Variants in NACC2 observed in about 807,000 individuals in gnomAD.
The protein encoded by NACC2 is nucleus accumbens-associated protein 2.
A neutral mutation model predicts 25.1 loss-of-function variants in NACC2; 8 were observed. The ratio of observed to expected loss-of-function variants is 0.32; its 90% confidence interval spans 0.19 to 0.57. The LOEUF (loss-of-function observed/expected upper bound fraction) is 0.57. Among genes scored for constraint, NACC2 ranks in the 20% least tolerant of loss-of-function variants. The pLI is 0.89. For synonymous variants in NACC2, 435 were observed against 294.7 expected, an observed-to-expected ratio of 1.48 and a Z score of -4.88; for missense variants, 644 against 650.2, an observed-to-expected ratio of 0.99 and a Z score of 0.10.
intron 1 of NACC2, among the ~76,000 whole-genome samples, chr9:136,060,943 T>G (rs1377153903): frequency 6.6e-6 from 1 of 151,292 alleles, no homozygotes; most frequent in Non-Finnish European, 1.5e-5. Flanking sequence ...CGGGGGAAGG[T>G]GAAAGGGGGA....
At position 136,036,746 on chromosome 9, in the gene NACC2, T is replaced by C. The variant is rs958505257; in HGVS notation, c.886+12890A>G. Among the ~76,000 whole-genome samples, 502 of 152,274 alleles carry C rather than the reference T, an allele frequency of 3.3e-3. 8 individuals are homozygous for C. The East Asian group carries it at 0.038, about 11-fold the overall frequency. ...GGCTGAAAGCCTATAGAAGAAAAAG[T>C]CTAAATAATAATCAGAACCTCAGTG... On this transcript the variant is annotated intron_variant, in intron 2 of 5. Coordinates refer to ENST00000277554, the MANE Select transcript of NACC2 (RefSeq NM_144653.5).
intron 5 of NACC2, among the ~76,000 whole-genome samples, chr9:136,012,652 GTT>G (rs540279008): frequency 0.32 from 42,359 of 133,108 alleles, 3,896 homozygotes; most frequent in East Asian, 0.37. Context: ...GCCTCACAAG[GTT>G]TTTTTTTTTT....
intron 2 of NACC2, among the ~76,000 whole-genome samples, chr9:136,023,308 G>A (rs1008009552): frequency 1.3e-5 from 2 of 151,830 alleles, no homozygotes; most frequent in Non-Finnish European, 2.9e-5. Context: ...CTCCCGACGC[G>A]AGGGGCCGGC....
chr9:136,054,964 G>A (rs919948676), intron 1 of NACC2, among the ~76,000 whole-genome samples: 1 of 152,026 alleles, frequency 6.6e-6, no homozygotes, highest in Non-Finnish European at 1.5e-5. Context: ...GCCAGCCTTC[G>A]GTGCCCCACC....
At chr9:136,029,476 C>A (rs1840442433) in intron 2 of NACC2, among the ~76,000 whole-genome samples, 1 of 152,228 alleles carries the variant, frequency 6.6e-6, no homozygotes. Flanking sequence ...TGCCAAATGG[C>A]AGGATTAAAA....
Position 136,013,159 on chromosome 9 carries a change from G to GCCCCCGGCCCCCCC in NACC2, c.1255+39_1255+40insGGGGGGGCCGGGGG. The GCCCCCGGCCCCCCC allele has an allele frequency of 1.3e-6, 1 of 754,884 alleles. No individual in the cohort carries two copies. Among genetic ancestry groups the GCCCCCGGCCCCCCC allele is most frequent in the East Asian group, 2.8e-5 (1 of 35,684 alleles). 46.8% of individuals were successfully genotyped at this position (754,884 alleles called of 1,614,324 possible). On this transcript the variant is annotated intron_variant, in intron 5 of 5. Transcript: ENST00000277554. The surrounding 1 kb of genome is among the most constrained non-coding windows in gnomAD (Gnocchi z 6.6). ...CTCCTCAGGCTGGGATCTGAACCCA[G>GCCCCCGGCCCCCCC]CCCCGGCCCCACCCACCCGAGAGAC...
chr9:136,072,626 C>T (rs1468579164), intron 1 of NACC2, among the ~76,000 whole-genome samples: 23 of 151,972 alleles, frequency 1.5e-4, no homozygotes, highest in Admixed American at 1.3e-3. Context: ...CCGAGGCGGG[C>T]GGATCACCTG....
Position 136,011,587 on chromosome 9 carries a change from CG to C in NACC2, c.1692del (p.Gly565AlafsTer36). On this transcript the variant is annotated frameshift_variant, in exon 6 of 6. Transcript: ENST00000277554. LOFTEE classifies it high-confidence loss of function. ...GCCGGCGTCTGGGGCCTGCTGGGGC[CG>C]CCCCCGCCCTGCTCAAAGGGCTGTG... Reference protein sequence around the residue: ...SPPQPFEQGGGGPSRPQTPAA... With the variant: ...SPPQPFEQGGXGPSRPQTPAA... 7 of 1,393,924 alleles carry C rather than the reference CG, an allele frequency of 5.0e-6. No homozygotes were observed. Among genetic ancestry groups the C allele is most frequent in the Non-Finnish European group, 6.5e-6 (7 of 1,078,762 alleles). 86.3% of individuals were successfully genotyped at this position (1,393,924 alleles called of 1,614,324 possible).
chr9:136,015,470 T>C (rs1396550803), intron 3 of NACC2, among the ~76,000 whole-genome samples: 1 of 152,178 alleles, frequency 6.6e-6, no homozygotes, highest in African/African-American at 2.4e-5. Context: ...CCCTGGCAGC[T>C]GGAAGGCGAG....
chr9:136,016,721 G>A (rs1840208932), intron 2 of NACC2, among the ~76,000 whole-genome samples: 1 of 152,214 alleles, frequency 6.6e-6, no homozygotes, highest in Non-Finnish European at 1.5e-5. Context: ...CAGGCCCAGG[G>A]AATGAGCTGC....
At chr9:136,082,223 C>A (rs1307379842) in intron 1 of NACC2, among the ~76,000 whole-genome samples, 3 of 152,198 alleles carry the variant, frequency 2.0e-5, no homozygotes, top group Non-Finnish European at 4.4e-5. Context: ...GGTCTTCACC[C>A]TCAGGACCAT....
chr9:136,024,503 ATGTGTGTGTGTG>A (rs139555936), intron 2 of NACC2, among the ~76,000 whole-genome samples: 15 of 124,764 alleles, frequency 1.2e-4, no homozygotes, highest in East Asian at 5.2e-4. Context: ...TGAGGACAGA[ATGTGTGTGTGTG>A]TGTGTGTGTG....
chr9:136,057,399 T>C (rs1356933021), intron 1 of NACC2, among the ~76,000 whole-genome samples: 1 of 152,122 alleles, frequency 6.6e-6, no homozygotes, highest in Non-Finnish European at 1.5e-5. Context: ...CTGGGGTGGC[T>C]CCTGTTGAGC....
At chr9:136,021,593 T>C (rs2131138873) in intron 2 of NACC2, among the ~76,000 whole-genome samples, 1 of 152,312 alleles carries the variant, frequency 6.6e-6, no homozygotes, top group South Asian at 2.1e-4. Context: ...CCAGCAATTA[T>C]ACTTCTAGGT....
In NACC2 at chr9:136,020,103, G is replaced by A. The variant is rs1355639158; in HGVS notation, c.887-3674C>T. Among the ~76,000 whole-genome samples the A allele has an allele frequency of 1.3e-5, 2 of 152,156 alleles. No homozygotes were observed. Among genetic ancestry groups the A allele is most frequent in the Admixed American group, 6.5e-5 (1 of 15,282 alleles). ...GATGCTCACAAAACAGTGGGAATGC[G>A]CTTAGCATCACCGAACCACGCACGT... is the stretch of plus-strand genomic sequence containing the variant. On this transcript the variant is annotated intron_variant, in intron 2 of 5. Coordinates refer to ENST00000277554, the MANE Select transcript of NACC2 (RefSeq NM_144653.5). The surrounding 1 kb of genome is among the most constrained non-coding windows in gnomAD (Gnocchi z 4.7).
At chr9:136,015,343 G>A (rs1483222784) in intron 3 of NACC2, among the ~76,000 whole-genome samples, 1 of 152,220 alleles carries the variant, frequency 6.6e-6, no homozygotes, top group Non-Finnish European at 1.5e-5. Context: ...CAGAAGCAGT[G>A]CCGGGGCAGG....
At chr9:136,024,934 GC>G (rs762640494) in intron 2 of NACC2, among the ~76,000 whole-genome samples, 1 of 152,228 alleles carries the variant, frequency 6.6e-6, no homozygotes, top group Non-Finnish European at 1.5e-5. Context: ...CTGAGAGCCG[GC>G]CTCAGGGTGC....
At chr9:136,035,633 T>C (rs575663498) in intron 2 of NACC2, among the ~76,000 whole-genome samples, 15 of 152,078 alleles carry the variant, frequency 9.9e-5, no homozygotes, top group African/African-American at 3.4e-4. Context: ...TGTAGTTACA[T>C]GAGGATGATG....
At chr9:136,012,389 C>CGTCCCA (rs1162711128) in intron 5 of NACC2, among the ~76,000 whole-genome samples, 2 of 152,272 alleles carry the variant, frequency 1.3e-5, no homozygotes, top group African/African-American at 4.8e-5. Flanking sequence ...CACCCCTCCC[C>CGTCCCA]GTCCCAGTCC....
Sources: allele counts gnomAD v4.1 joint callset (sites outside exome capture counted in the v4.1 genomes callset), GRCh38; gene constraint gnomAD v4.1.1; non-coding constraint Gnocchi (gnomAD v3.1); transcripts MANE v1.5; gene names NCBI Gene and HGNC (gene_info 2026-07-23, HGNC 2026-07-21).